ZNHIT6: variants seen among roughly 807,000 people sequenced by gnomAD.
ZNHIT6 encodes zinc finger HIT-type containing 6, also known as box C/D snoRNA protein 1.
In ZNHIT6, 45 loss-of-function variants were observed where a neutral mutation model predicts 57.2. The observed-to-expected ratio is 0.79, with a 90% CI of 0.62 to 1.01. ZNHIT6 has a LOEUF of 1.01. ZNHIT6 is among the 50% of genes least tolerant of loss of function. ZNHIT6 has a pLI of 0.00. For missense variants in ZNHIT6, 528 were observed against 567.3 expected, an observed-to-expected ratio of 0.93 and a Z score of 0.70; for synonymous variants, 188 against 190.0, an observed-to-expected ratio of 0.99 and a Z score of 0.09.
At chr1:85,692,736 C>A (rs72726363) in intron 5 of ZNHIT6, among the ~76,000 whole-genome samples, 1 of 151,222 alleles carries the variant, frequency 6.6e-6, no homozygotes, top group Non-Finnish European at 1.5e-5. Flanking sequence ...AAAAAAAAGT[C>A]CTGTGCTTTT....
chr1:85,706,111 A>G lies in ZNHIT6; in HGVS notation c.882T>C (p.Asp294=). The change falls in exon 4 of 10, where the codon GAT becomes GAC. Residue 294 remains aspartate, a synonymous_variant. Transcript: ENST00000370574. ...TGCTTATTGGTCTCTTCAAAAAAGC[A>G]TCTCTAGAAATATGGTCCGCTGTTC... ...VARTADHISR[D]AFLKRPISNK... The G allele has an allele frequency of 6.2e-7, 1 of 1,613,818 alleles. No homozygotes were observed. Among genetic ancestry groups the G allele is most frequent in the Non-Finnish European group, 8.5e-7 (1 of 1,179,868 alleles).
intron 5 of ZNHIT6, among the ~76,000 whole-genome samples, chr1:85,685,184 C>T (rs1222242209): frequency 6.6e-6 from 1 of 151,868 alleles, no homozygotes; most frequent in African/African-American, 2.4e-5. Context: ...AGTTTTATTC[C>T]TGGAAATGTA....
At chr1:85,695,582 A>G (rs1662342949) in intron 5 of ZNHIT6, among the ~76,000 whole-genome samples, 1 of 152,244 alleles carries the variant, frequency 6.6e-6, no homozygotes, top group Non-Finnish European at 1.5e-5. Flanking sequence ...CAGAGATCAA[A>G]GAGACATTTC....
intron 5 of ZNHIT6, among the ~76,000 whole-genome samples, chr1:85,695,337 C>A (rs974602594): frequency 6.6e-6 from 1 of 151,778 alleles, no homozygotes; most frequent in African/African-American, 2.4e-5. Flanking sequence ...GAGACTGTCA[C>A]TAAAGAAATC....
chr1:85,658,078 T>C (rs1661112008), intron 8 of ZNHIT6, 107 bp from the exon 9 acceptor site: 1 of 744,846 alleles, frequency 1.3e-6, no homozygotes, highest in South Asian at 2.5e-5. Flanking sequence ...TTAAAGGTGA[T>C]GACAATTCAG....
intron 8 of ZNHIT6, among the ~76,000 whole-genome samples, chr1:85,663,325 T>C (rs1018335072): frequency 4.6e-5 from 7 of 152,218 alleles, no homozygotes; most frequent in African/African-American, 1.7e-4. Context: ...AACTGAACTC[T>C]TGACAAACAG....
At chr1:85,691,443 A>G (rs1282049417) in intron 5 of ZNHIT6, among the ~76,000 whole-genome samples, 1 of 152,250 alleles carries the variant, frequency 6.6e-6, no homozygotes, top group Non-Finnish European at 1.5e-5. Flanking sequence ...TGGAGTACAG[A>G]CAGTACAAGA....
chr1:85,649,974 C>A lies in ZNHIT6; in HGVS notation c.*4084G>T, dbSNP rs532808775. The A allele has an allele frequency of 1.3e-5, 2 of 152,280 alleles. No homozygotes were observed. The highest frequency in any genetic ancestry group is 3.9e-4 in the East Asian group (2 of 5,180). 9.4% of individuals were successfully genotyped at this position (152,280 alleles called of 1,614,324 possible). ...TGCAGATTAAATCTGAACTTTACTC[C>A]TTCTGTTAGTACAAATCAGAAACTT... is the stretch of plus-strand genomic sequence containing the variant. On this transcript the variant is annotated 3_prime_UTR_variant, in exon 10 of 10. Coordinates refer to ENST00000370574, the MANE Select transcript of ZNHIT6 (RefSeq NM_017953.4).
intron 8 of ZNHIT6, among the ~76,000 whole-genome samples, chr1:85,676,717 T>C (rs191792722): frequency 6.6e-6 from 1 of 152,236 alleles, no homozygotes; most frequent in African/African-American, 2.4e-5. Flanking sequence ...TGCCACCTTA[T>C]ATTGTGGTGC....
rs200683604 is a variant in ZNHIT6, at chr1:85,669,346, T to TA, written c.1247+7889dup. 9.3e-3 allele frequency among the ~76,000 whole-genome samples: 1,423 copies of TA among 152,276 alleles called. 58 individuals are homozygous for TA. The highest frequency in any genetic ancestry group is 0.063 in the Admixed American group (957 of 15,286). On this transcript the variant is annotated intron_variant, in intron 8 of 9. Coordinates refer to ENST00000370574, the MANE Select transcript of ZNHIT6 (RefSeq NM_017953.4). ...CTCTTCACTTCACTGAAAACGATTTTAAAATATTTTAGATTAAAGATCCAT... is the reference window on the plus strand; with the variant it reads ...CTCTTCACTTCACTGAAAACGATTTTAAAAATATTTTAGATTAAAGATCCAT...
rs1660848781 is a variant in ZNHIT6 at position 85,649,614 on chromosome 1, A to T, written c.*4444T>A. 1 of 152,198 alleles carries T rather than the reference A, an allele frequency of 6.6e-6. No homozygotes were observed. Among genetic ancestry groups the T allele is most frequent in the African/African-American group, 2.4e-5 (1 of 41,442 alleles). 9.4% of individuals were successfully genotyped at this position (152,198 alleles called of 1,614,324 possible). A position where few individuals can be genotyped will look rare whatever the true frequency, so the allele number is the denominator to read the frequency against. On this transcript the variant is annotated 3_prime_UTR_variant, in exon 10 of 10. Coordinates refer to ENST00000370574, the MANE Select transcript of ZNHIT6 (RefSeq NM_017953.4). The stretch of plus-strand genomic sequence containing the variant: ...TGCACACACACTTTAGTTTTCAAAG[A>T]CCAAAGTTTAAAGAAAATACTTTTT...
intron 5 of ZNHIT6, among the ~76,000 whole-genome samples, chr1:85,698,649 G>C (rs1662447946): frequency 6.6e-6 from 1 of 152,074 alleles, no homozygotes; most frequent in Non-Finnish European, 1.5e-5. Context: ...TACCTAGGGA[G>C]TATTAATAAT....
At position 85,702,077 on chromosome 1, in the gene ZNHIT6, A is replaced by G. The variant is rs185530889; in HGVS notation, c.1019+80T>C. 5,177 of 907,244 alleles carry G rather than the reference A, an allele frequency of 5.7e-3. 25 individuals carry two copies. The highest frequency in any genetic ancestry group is 6.9e-3 in the Non-Finnish European group (4,030 of 586,972). 56.2% of individuals were successfully genotyped at this position (907,244 alleles called of 1,614,324 possible). On this transcript the variant is annotated intron_variant, in intron 5 of 9. Transcript: ENST00000370574. ...TTACAGAACCACACTTGGGGTAGCA[A>G]TGCTCTATAGCAACCAAACCTTAAA...
rs1467677843 is a variant in ZNHIT6 at position 85,706,453 on chromosome 1, T to A, written c.711A>T (p.Arg237=). 6.2e-7 allele frequency: 1 copy of A among 1,611,114 alleles called. No individual in the cohort carries two copies. Among genetic ancestry groups the A allele is most frequent in the East Asian group, 2.2e-5 (1 of 44,878 alleles). The stretch of plus-strand genomic sequence containing the variant: ...AGTTACATGTATACCTGCAGGAATA[T>A]CGCATACAACGTGGACATCTGTACT... ...EAKYRCPRCM[R]YSCSLPCVKK... Residue 237 remains arginine, a synonymous_variant, in exon 2 of 10, where the codon CGA becomes CGT. Coordinates refer to ENST00000370574, the MANE Select transcript of ZNHIT6 (RefSeq NM_017953.4).
chr1:85,684,239 T>A (rs1181682675), intron 5 of ZNHIT6, among the ~76,000 whole-genome samples: 1 of 152,178 alleles, frequency 6.6e-6, no homozygotes, highest in Non-Finnish European at 1.5e-5. Context: ...GGCAACTTAA[T>A]CCTTATGTTC....
At chr1:85,694,164 T>C (rs1001952422) in intron 5 of ZNHIT6, among the ~76,000 whole-genome samples, 2 of 152,178 alleles carry the variant, frequency 1.3e-5, no homozygotes. Flanking sequence ...TACAGGTGCA[T>C]GTATTTGTCA....
chr1:85,676,149 C>G (rs1041214660), intron 8 of ZNHIT6, among the ~76,000 whole-genome samples: 2 of 151,914 alleles, frequency 1.3e-5, no homozygotes, highest in Non-Finnish European at 2.9e-5. Context: ...CCAGCCTGAC[C>G]AACATGGAGA....
chr1:85,702,685 T>C (rs577885183), intron 4 of ZNHIT6, among the ~76,000 whole-genome samples: 241 of 152,342 alleles, frequency 1.6e-3, no homozygotes, highest in Non-Finnish European at 2.4e-3. Context: ...TGTATATATA[T>C]ATCACTGATT....
intron 4 of ZNHIT6, 133 bp from the exon 5 acceptor site, chr1:85,702,393 A>C (rs529176515): frequency 2.1e-4 from 127 of 605,654 alleles, no homozygotes; most frequent in Middle Eastern, 4.5e-4. Flanking sequence ...CAGTAATCTC[A>C]TGTAATCTTC....
Sources: gnomAD v4.1 joint callset for allele counts (sites outside exome capture counted in the v4.1 genomes callset) on GRCh38, gnomAD v4.1.1 for gene constraint, MANE v1.5 for transcripts, NCBI Gene and HGNC (gene_info 2026-07-23, HGNC 2026-07-21) for gene names.